Variants in IFT172 observed in about 807,000 individuals in gnomAD.
IFT172 encodes intraflagellar transport protein 172 homolog.
IFT172 carries 164 observed loss-of-function variants against 248.9 expected under a neutral mutation model. That is an observed-to-expected ratio of 0.66 (90% CI 0.58 to 0.75). The LOEUF (loss-of-function observed/expected upper bound fraction) is 0.75. Among genes scored for constraint, IFT172 ranks in the 30% least tolerant of loss-of-function variants. The probability of loss-of-function intolerance (pLI) is 0.00; values close to 1 mark genes in which losing one functional copy is unlikely to be tolerated. For missense variants in IFT172, 1,950 were observed against 2,192.4 expected (o/e 0.89, Z 2.21); for synonymous variants, 729 against 791.6 (o/e 0.92, Z 1.33).
In IFT172 at chr2:27,457,895, C is replaced by T; in HGVS notation, c.3057G>A (p.Leu1019=). 6.2e-7 allele frequency: 1 copy of T among 1,614,180 alleles called. No homozygotes were observed. The highest frequency in any genetic ancestry group is 8.5e-7 in the Non-Finnish European group (1 of 1,180,032). Residue 1019 remains leucine (L), a synonymous_variant, in exon 28 of 48, where the codon CTG becomes CTA. Coordinates refer to ENST00000260570, the MANE Select transcript of IFT172 (RefSeq NM_015662.3). ...KHKLYDDMIR[L]VGKHHPDLLS... ...GGAGATCTGGATGGTGCTTCCCTAC[C>T]AGGCGGATCATGTCATCATACAACT...
chr2:27,479,597 A>G lies in IFT172; in HGVS notation c.917T>C (p.Leu306Pro). 1 of 1,605,310 alleles carries G rather than the reference A, an allele frequency of 6.2e-7. No homozygotes were observed. The highest frequency in any genetic ancestry group is 1.1e-5 in the South Asian group (1 of 90,920). Residue 306 changes from leucine (L) to proline (P), a missense_variant, in exon 10 of 48, where the codon CTA becomes CCA. Leu to Pro is a moderately conservative substitution (Grantham distance 98). Around this residue, in one of 3 missense-constraint regions of IFT172, gnomAD observed 1,166 missense variants for 1,254.1 expected, o/e 0.93. Transcript: ENST00000260570. ...GTCAAACTGTTCCACCCCACCACAT[A>G]GTGTGCCCTAGAAGGGAAAGTGACA... ...RDGSRLCVGT[L>P]CGGVEQFDCC...
At chr2:27,468,498 T>G (rs1667294416) in intron 16 of IFT172, among the ~76,000 whole-genome samples, 1 of 151,890 alleles carries the variant, frequency 6.6e-6, no homozygotes, top group Non-Finnish European at 1.5e-5. Flanking sequence ...CCTCCCAAAG[T>G]GCTGGAATTA....
chr2:27,458,668 T>G, intron 26 of IFT172, 111 bp downstream of exon 26: 1 of 1,274,664 alleles, frequency 7.8e-7, no homozygotes, highest in South Asian at 1.4e-5. Flanking sequence ...TTTTTGGTAC[T>G]CTTTGTCAGC....
Position 27,458,863 on chromosome 2 carries a change from A to G in IFT172, c.2793T>C (p.Ala931=). Residue 931 remains alanine (A), a synonymous_variant, in exon 26 of 48, where the codon GCT becomes GCC. Transcript: ENST00000260570. ...HYASLQEYEI[A]EELYTKGDRT... ...GATCTCCCTTAGTATAGAGCTCCTC[A>G]GCAATCTGTAGTTGATGGGAGGTAG... The G allele has an allele frequency of 4.3e-6, 7 of 1,614,084 alleles. No homozygotes were observed. The highest frequency in any genetic ancestry group is 5.9e-6 in the Non-Finnish European group (7 of 1,179,996).
chr2:27,464,377 CAAG>C (rs988901017), intron 18 of IFT172, among the ~76,000 whole-genome samples: 15 of 152,254 alleles, frequency 9.9e-5, no homozygotes, highest in African/African-American at 3.4e-4. Context: ...CAGAGAAAAT[CAAG>C]AAGCCAAGGT....
rs778174589 is a variant in IFT172, at chr2:27,453,438, G to T, written c.3897C>A (p.Tyr1299Ter). Residue 1299 changes from tyrosine (Y) to a stop codon, truncating the protein, a stop_gained, in exon 35 of 48, where the codon TAC becomes TAA. Coordinates refer to ENST00000260570, the MANE Select transcript of IFT172 (RefSeq NM_015662.3). LOFTEE classifies it high-confidence loss of function. Reference protein sequence around the residue: ...AGEYSRAVDCYLKVRDSGNSG... With the variant: ...AGEYSRAVDC ...TGTTTCCAGAGTCTCGCACTTTGAG[G>T]TAGCAGTCCACGGCACGGCTGTACT... is the stretch of plus-strand genomic sequence containing the variant. 6.2e-7 allele frequency: 1 copy of T among 1,614,200 alleles called. No individual in the cohort carries two copies.
In IFT172 at chr2:27,478,141, G is replaced by A. The variant is rs1668103494; in HGVS notation, c.1021C>T (p.Leu341=). 1.2e-6 allele frequency: 2 copies of A among 1,614,004 alleles called. No homozygotes were observed. The highest frequency in any genetic ancestry group is 1.3e-5 in the African/African-American group (1 of 74,898). ...AGCACCACTCGGGTTCCTGATGACAGGTTCTTCACAATCACCTTGGTAAAG... is the reference window on the plus strand; with the variant it reads ...AGCACCACTCGGGTTCCTGATGACAAGTTCTTCACAATCACCTTGGTAAAG... The part of the protein sequence containing the change: ...VGPSQVIVKN[L]SSGTRVVLKS... The change falls in exon 11 of 48, where the codon CTG becomes TTG. Residue 341 remains leucine, a synonymous_variant. Coordinates refer to ENST00000260570, the MANE Select transcript of IFT172 (RefSeq NM_015662.3).
At chr2:27,464,645 G>T (rs1480890986) in intron 18 of IFT172, among the ~76,000 whole-genome samples, 1 of 150,886 alleles carries the variant, frequency 6.6e-6, no homozygotes, top group Non-Finnish European at 1.5e-5. Flanking sequence ...TTTGAGATAC[G>T]ATCTCGCGCA....
rs771727703 is a variant in IFT172 at position 27,477,278 on chromosome 2, A to T, written c.1264T>A (p.Tyr422Asn). 1.2e-6 allele frequency: 2 copies of T among 1,614,136 alleles called. No individual in the cohort carries two copies. Among genetic ancestry groups the T allele is most frequent in the East Asian group, 2.2e-5 (1 of 44,888 alleles). Residue 422 changes from tyrosine to asparagine, a missense_variant, in exon 13 of 48, where the codon TAT (tyrosine) becomes AAT (asparagine). Around this residue, in one of 3 missense-constraint regions of IFT172, gnomAD observed 1,166 missense variants for 1,254.1 expected, o/e 0.93. Coordinates refer to ENST00000260570, the MANE Select transcript of IFT172 (RefSeq NM_015662.3). The stretch of plus-strand genomic sequence containing the variant: ...GAACCCAGGGTGTCATTATTCCCAT[A>T]TTCCACCAGGGTTAGCTCTCCGGCA... ...FNAGELTLVE[Y>N]GNNDTLGSVR...
intron 33 of IFT172, 103 bp downstream of exon 33, chr2:27,453,879 A>G: frequency 7.0e-7 from 1 of 1,425,646 alleles, no homozygotes; most frequent in Non-Finnish European, 9.6e-7. Context: ...ACTCCCCAAT[A>G]CTAACCTCCC....
At position 27,444,896 on chromosome 2, in the gene IFT172, A is replaced by C. The variant is rs1664909801; in HGVS notation, c.5160+118T>G. On this transcript the variant is annotated intron_variant, in intron 47 of 47. Coordinates refer to ENST00000260570, the MANE Select transcript of IFT172 (RefSeq NM_015662.3). Reference sequence around the variant, plus strand: ...ACTCCTGACCTCAGGTGATCCGCCCACCTTGGCCTCCCAAAGTGCTGGGAT... The same window carrying C: ...ACTCCTGACCTCAGGTGATCCGCCCCCCTTGGCCTCCCAAAGTGCTGGGAT... 3 of 1,100,364 alleles carry C rather than the reference A, an allele frequency of 2.7e-6. No homozygotes were observed. The Admixed American group carries it at 7.9e-5, about 29-fold the overall frequency. 68.2% of individuals were successfully genotyped at this position (1,100,364 alleles called of 1,614,324 possible).
chr2:27,449,755 C>A lies in IFT172; in HGVS notation c.4096G>T (p.Asp1366Tyr). ...LNLDLVKEAI[D>Y]AFIEGEEWNK... is the part of the protein sequence containing the mutation. ...CACTCCTCACCCTCGATGAAAGCAT[C>A]GATTGCTTCCTTGACAAGGTCCAGA... The change falls in exon 37 of 48, where the codon GAT becomes TAT. Residue 1366 changes from aspartate (D) to tyrosine (Y), a missense_variant. This residue lies in a region of IFT172 where 620 missense variants were observed against 699.0 expected (regional missense o/e 0.89). Coordinates refer to ENST00000260570, the MANE Select transcript of IFT172 (RefSeq NM_015662.3). 6.2e-7 allele frequency: 1 copy of A among 1,613,994 alleles called. No individual in the cohort carries two copies. Among genetic ancestry groups the A allele is most frequent in the Non-Finnish European group, 8.5e-7 (1 of 1,179,926 alleles).
intron 16 of IFT172, among the ~76,000 whole-genome samples, chr2:27,468,820 G>A (rs1342534826): frequency 6.8e-6 from 1 of 147,356 alleles, no homozygotes; most frequent in Non-Finnish European, 1.5e-5. Flanking sequence ...CTGCACTCCA[G>A]CCTGGGCAAC....
At chr2:27,485,246 A>G (rs1228413011) in intron 2 of IFT172, 114 bp downstream of exon 2, 2 of 1,528,648 alleles carry the variant, frequency 1.3e-6, no homozygotes, top group Non-Finnish European at 8.9e-7. Context: ...TTATACTGAG[A>G]AAAAGGTGGG....
chr2:27,445,187 A>C lies in IFT172; in HGVS notation c.5069-82T>G. The C allele has an allele frequency of 8.1e-6, 13 of 1,596,336 alleles. No individual in the cohort carries two copies. On this transcript the variant is annotated intron_variant, in intron 46 of 47. Coordinates refer to ENST00000260570, the MANE Select transcript of IFT172 (RefSeq NM_015662.3). This position sits in a 1 kb window ranked among gnomAD's most constrained non-coding sequence, Gnocchi z 4.4. ...ATGAGGAGCAGCCTGGGGGGTAGAAAGCACAGTCCTGTCTTTTGTACCCTT... is the reference window on the plus strand; with the variant it reads ...ATGAGGAGCAGCCTGGGGGGTAGAACGCACAGTCCTGTCTTTTGTACCCTT...
intron 18 of IFT172, among the ~76,000 whole-genome samples, chr2:27,463,452 G>A (rs1251870147): frequency 6.6e-6 from 1 of 151,036 alleles, no homozygotes; most frequent in Admixed American, 6.6e-5. Context: ...CATGGCCCAA[G>A]ATGGCTTTGA....
At chr2:27,482,324 C>G (rs1427384146) in intron 7 of IFT172, among the ~76,000 whole-genome samples, 1 of 149,904 alleles carries the variant, frequency 6.7e-6, no homozygotes, top group East Asian at 2.0e-4. Context: ...GCATTTCACT[C>G]TTGTTGCCCA....
rs1429143248 is a variant in IFT172, at chr2:27,453,908, G to A, written c.3711+74C>T. ...ACCTCCCTGATCTTTCTTCATACCA[G>A]GGGTCAGTGTGGCTCTCTGTGGGCT... On this transcript the variant is annotated intron_variant, in intron 33 of 47. Transcript: ENST00000260570. The A allele has an allele frequency of 1.2e-5, 18 of 1,487,242 alleles. No homozygotes were observed. The East Asian group carries it at 2.9e-4, about 24-fold the overall frequency. The allele number at this position is 1,487,242 out of a possible 1,614,324, so 92.1% of individuals were successfully genotyped here.
Position 27,472,257 on chromosome 2 carries a change from T to G in IFT172, c.1517A>C (p.Lys506Thr). The G allele has an allele frequency of 6.2e-7, 1 of 1,613,538 alleles. No individual in the cohort carries two copies. Among genetic ancestry groups the G allele is most frequent in the Non-Finnish European group, 8.5e-7 (1 of 1,179,492 alleles). The change falls in exon 15 of 48, where the codon AAA becomes ACA. Residue 506 changes from lysine to threonine, a missense_variant. Lys to Thr is a moderately conservative substitution (Grantham distance 78). This residue lies in a region of IFT172 where 1,166 missense variants were observed against 1,254.1 expected (regional missense o/e 0.93). Coordinates refer to ENST00000260570, the MANE Select transcript of IFT172 (RefSeq NM_015662.3). ...TGHKLLFRDR[K>T]LRLHLYDIES... ...CTTAGTAGCTCTTCTCACACGAAGTTTCCGGTCCCTGAAGAGGAGCTTGTG... is the reference window on the plus strand; with the variant it reads ...CTTAGTAGCTCTTCTCACACGAAGTGTCCGGTCCCTGAAGAGGAGCTTGTG...
Sources: allele counts gnomAD v4.1 joint callset (sites outside exome capture counted in the v4.1 genomes callset), GRCh38; gene constraint gnomAD v4.1.1; regional missense constraint gnomAD v4.1.1; non-coding constraint Gnocchi (gnomAD v3.1); transcripts MANE v1.5; gene names NCBI Gene and HGNC (gene_info 2026-07-23, HGNC 2026-07-21).